Variants in C10orf120 observed in about 807,000 individuals in gnomAD.
C10orf120 encodes chromosome 10 open reading frame 120.
In C10orf120, 15 loss-of-function variants were observed where a neutral mutation model predicts 10.8. That is an observed-to-expected ratio of 1.39 (90% CI 0.93 to 2.14). The LOEUF (loss-of-function observed/expected upper bound fraction) is 2.14. Ranked by LOEUF, C10orf120 falls within the 30% of genes most tolerant of loss-of-function variation. The pLI is 0.00. For synonymous variants in C10orf120, 141 were observed against 138.9 expected, an observed-to-expected ratio of 1.02 and a Z score of -0.11; for missense variants, 447 against 411.3, an observed-to-expected ratio of 1.09 and a Z score of -0.75.
At position 122,697,971 on chromosome 10, in the gene C10orf120, G is replaced by A; in HGVS notation, c.770C>T (p.Thr257Ile). Reference sequence around the variant, plus strand: ...TGATTTGCGATCATTTCCATGGTATGTTAAACATTTTTTTGGTTCTTTTGA... The same window carrying A: ...TGATTTGCGATCATTTCCATGGTATATTAAACATTTTTTTGGTTCTTTTGA... ...FKSKEPKKCL[T>I]YHGNDRKSFL... Residue 257 changes from threonine to isoleucine, a missense_variant, in exon 3 of 3, where the codon ACA becomes ATA. Coordinates refer to ENST00000329446, the MANE Select transcript of C10orf120 (RefSeq NM_001010912.4). 1.2e-6 allele frequency: 2 copies of A among 1,611,610 alleles called. No individual in the cohort carries two copies. Among genetic ancestry groups the A allele is most frequent in the Non-Finnish European group, 1.7e-6 (2 of 1,179,310 alleles).
At position 122,699,711 on chromosome 10, in the gene C10orf120, T is replaced by C; in HGVS notation, c.80A>G (p.Asn27Ser). The C allele has an allele frequency of 6.2e-7, 1 of 1,614,086 alleles. No individual in the cohort carries two copies. Among genetic ancestry groups the C allele is most frequent in the Non-Finnish European group, 8.5e-7 (1 of 1,179,904 alleles). ...ATTAAATATTCTAACTGGCTTTTCATTCTTCCTTTCTTGCACCATTGTGTC... is the reference window on the plus strand; with the variant it reads ...ATTAAATATTCTAACTGGCTTTTCACTCTTCCTTTCTTGCACCATTGTGTC... The part of the protein sequence containing the change: ...ASDTMVQERK[N>S]EKPVRIFNTN... Residue 27 changes from asparagine to serine, a missense_variant, in exon 1 of 3, where the codon AAT becomes AGT. Physicochemically the swap from Asn to Ser is conservative, Grantham distance 46. Transcript: ENST00000329446.
Position 122,698,408 on chromosome 10 carries a change from T to C in C10orf120, c.333A>G (p.Glu111=). 6.2e-7 allele frequency: 1 copy of C among 1,614,164 alleles called. No individual in the cohort carries two copies. Among genetic ancestry groups the C allele is most frequent in the Non-Finnish European group, 8.5e-7 (1 of 1,179,990 alleles). ...KQEEECRMLK[E]LQLLSPDYKQ... is the part of the protein sequence containing the mutation. ...TGTAGTCCGGAGACAGCAACTGTAG[T>C]TCCTTGAGCATTCTGCATTCTTCCT... The change falls in exon 3 of 3, where the codon GAA becomes GAG. Residue 111 remains glutamate, a synonymous_variant. Coordinates refer to ENST00000329446, the MANE Select transcript of C10orf120 (RefSeq NM_001010912.4).
chr10:122,698,115 C>G lies in C10orf120; in HGVS notation c.626G>C (p.Arg209Thr), dbSNP rs1845812017. Residue 209 changes from arginine to threonine, a missense_variant, in exon 3 of 3, where the codon AGA (arginine) becomes ACA (threonine). Physicochemically the swap from Arg to Thr is moderately conservative, Grantham distance 71. Coordinates refer to ENST00000329446, the MANE Select transcript of C10orf120 (RefSeq NM_001010912.4). Reference sequence around the variant, plus strand: ...GGTGTCATAGTTGTCTTCCTTTCGTCTGGCCTTATTTTTTGCCATTGGACC... The same window carrying G: ...GGTGTCATAGTTGTCTTCCTTTCGTGTGGCCTTATTTTTTGCCATTGGACC... Reference protein sequence around the residue: ...GLGPMAKNKARRKEDNYDTHN... With the variant: ...GLGPMAKNKATRKEDNYDTHN... 6.2e-7 allele frequency: 1 copy of G among 1,613,926 alleles called. No individual in the cohort carries two copies. The highest frequency in any genetic ancestry group is 8.5e-7 in the Non-Finnish European group (1 of 1,179,972).
At position 122,699,354 on chromosome 10, in the gene C10orf120, A is replaced by AG. The variant is rs762964580; in HGVS notation, c.234dup (p.Glu80GlyfsTer47). The AG allele has an allele frequency of 2.9e-5, 47 of 1,612,330 alleles. No individual in the cohort carries two copies. The highest frequency in any genetic ancestry group is 3.7e-5 in the Non-Finnish European group (44 of 1,178,898). On this transcript the variant is annotated frameshift_variant, in exon 2 of 3. Transcript: ENST00000329446. LOFTEE classifies it low-confidence loss of function (END_TRUNC). ...ACACTTACTAGGATCTCTTTTTCCA[A>AG]GGGGGAGTATTTCCCAAGGGCAATC...
intron 1 of C10orf120, 79 bp from the exon 2 acceptor site, chr10:122,699,491 A>G (rs1225132090): frequency 1.6e-5 from 24 of 1,466,524 alleles, no homozygotes; most frequent in Non-Finnish European, 1.9e-5. Flanking sequence ...GAAGGCTCAT[A>G]AAGGGTTATT....
At position 122,698,334 on chromosome 10, in the gene C10orf120, C is replaced by T; in HGVS notation, c.407G>A (p.Cys136Tyr). ...KKKHSSPCAI[C>Y]VPLEKIWTAK... ...TGTCCATATTTTTTCTAGGGGTACA[C>T]AAATAGCACAAGGAGAGGAATGTTT... Residue 136 changes from cysteine to tyrosine, a missense_variant, in exon 3 of 3, where the codon TGT becomes TAT. By Grantham distance (194) the Cys-to-Tyr change is radical (BLOSUM62 -2). Transcript: ENST00000329446. The T allele has an allele frequency of 6.2e-7, 1 of 1,614,166 alleles. No homozygotes were observed. The highest frequency in any genetic ancestry group is 8.5e-7 in the Non-Finnish European group (1 of 1,180,040).
rs777006077 is a variant in C10orf120, at chr10:122,699,794, C to G, written c.-4G>C. 2 of 1,609,674 alleles carry G rather than the reference C, an allele frequency of 1.2e-6. No individual in the cohort carries two copies. The highest frequency in any genetic ancestry group is 1.3e-5 in the African/African-American group (1 of 74,964). ...CATTCTTCCATTCTCTGATCATACT[C>G]CGGCAATAAGCTAGGACGGGAGGTG... On this transcript the variant is annotated 5_prime_UTR_variant, in exon 1 of 3. Coordinates refer to ENST00000329446, the MANE Select transcript of C10orf120 (RefSeq NM_001010912.4).
chr10:122,698,009 ATTCATTTT>A lies in C10orf120; in HGVS notation c.724_731del (p.Lys242CysfsTer18). The A allele has an allele frequency of 6.2e-7, 1 of 1,607,964 alleles. No individual in the cohort carries two copies. The highest frequency in any genetic ancestry group is 1.1e-5 in the South Asian group (1 of 88,990). ...TTGGTTCTTTTGACTTGAAAACTAC[ATTCATTTT>A]TATTTCTCGTCTTTTTGTGTTTTTT... On this transcript the variant is annotated frameshift_variant, in exon 3 of 3. Coordinates refer to ENST00000329446, the MANE Select transcript of C10orf120 (RefSeq NM_001010912.4). LOFTEE classifies it low-confidence loss of function (END_TRUNC).
At chr10:122,698,724 G>A (rs936290220) in intron 2 of C10orf120, among the ~76,000 whole-genome samples, 3 of 152,146 alleles carry the variant, frequency 2.0e-5, no homozygotes, top group African/African-American at 7.2e-5. Context: ...GTGAAGCCTC[G>A]ACAAGACAAC....
rs750896789 is a variant in C10orf120 at position 122,699,660 on chromosome 10, G to A, written c.131C>T (p.Ala44Val). The A allele has an allele frequency of 6.2e-7, 1 of 1,613,804 alleles. No individual in the cohort carries two copies. Among genetic ancestry groups the A allele is most frequent in the South Asian group, 1.1e-5 (1 of 90,992 alleles). ...FNTNSSFQDQ[A>V]PTCCQEDLSS... is the part of the protein sequence containing the mutation. Reference sequence around the variant, plus strand: ...CAGATCCTCTTGGCAACACGTTGGGGCTTGATCCTGAAAGGAAGAGTTGGT... The same window carrying A: ...CAGATCCTCTTGGCAACACGTTGGGACTTGATCCTGAAAGGAAGAGTTGGT... The change falls in exon 1 of 3, where the codon GCC becomes GTC. Residue 44 changes from alanine to valine, a missense_variant. Ala to Val is a moderately conservative substitution (Grantham distance 64). Transcript: ENST00000329446.
intron 1 of C10orf120, 59 bp downstream of exon 1, chr10:122,699,556 A>G: frequency 2.0e-6 from 3 of 1,514,646 alleles, no homozygotes; most frequent in Non-Finnish European, 2.7e-6. Flanking sequence ...GCCACTGGGT[A>G]GGCTTCTCCA....
chr10:122,697,957 C>A lies in C10orf120; in HGVS notation c.784G>T (p.Asp262Tyr). The A allele has an allele frequency of 2.5e-6, 4 of 1,613,750 alleles. No individual in the cohort carries two copies. The highest frequency in any genetic ancestry group is 3.4e-6 in the Non-Finnish European group (4 of 1,179,918). Residue 262 changes from aspartate (D) to tyrosine (Y), a missense_variant, in exon 3 of 3, where the codon GAT becomes TAT. Asp to Tyr is a radical substitution (Grantham distance 160, BLOSUM62 -3). Transcript: ENST00000329446. ...PKKCLTYHGN[D>Y]RKSFLPAKKP... ...TTTGCGGGGAGGAATGATTTGCGAT[C>A]ATTTCCATGGTATGTTAAACATTTT...
Position 122,698,491 on chromosome 10 carries a change from G to T in C10orf120, c.253-3C>A. On this transcript the variant is annotated splice_region_variant and splice_polypyrimidine_tract_variant and intron_variant, in intron 2 of 2. Coordinates refer to ENST00000329446, the MANE Select transcript of C10orf120 (RefSeq NM_001010912.4). ...ATGGTGTGAATGCCACCTAGACGCT[G>T]ACAATGGAGAAAGGACTATTAAAAT... 1 of 1,613,782 alleles carries T rather than the reference G, an allele frequency of 6.2e-7. No homozygotes were observed. The highest frequency in any genetic ancestry group is 1.1e-5 in the South Asian group (1 of 90,974).
Position 122,699,355 on chromosome 10 carries a change from G to A in C10orf120, c.234C>T (p.Pro78=), listed in dbSNP as rs369650918. 5.6e-5 allele frequency: 91 copies of A among 1,612,412 alleles called. No individual in the cohort carries two copies. The highest frequency in any genetic ancestry group is 2.5e-4 in the South Asian group (23 of 90,998). Residue 78 remains proline, a synonymous_variant, in exon 2 of 3, where the codon CCC becomes CCT. Coordinates refer to ENST00000329446, the MANE Select transcript of C10orf120 (RefSeq NM_001010912.4). ...CACTTACTAGGATCTCTTTTTCCAA[G>A]GGGGAGTATTTCCCAAGGGCAATCC... ...DPRIALGKYS[P]LEKEILRLGG...
rs1291883905 is a variant in C10orf120 at position 122,697,994 on chromosome 10, T to G, written c.747A>C (p.Ser249=). The change falls in exon 3 of 3, where the codon TCA becomes TCC. Residue 249 remains serine, a synonymous_variant. Coordinates refer to ENST00000329446, the MANE Select transcript of C10orf120 (RefSeq NM_001010912.4). ...REIKMNVVFK[S]KEPKKCLTYH... ...ATGTTAAACATTTTTTTGGTTCTTT[T>G]GACTTGAAAACTACATTCATTTTTA... is the stretch of plus-strand genomic sequence containing the variant. 2 of 1,608,818 alleles carry G rather than the reference T, an allele frequency of 1.2e-6. No individual in the cohort carries two copies. The highest frequency in any genetic ancestry group is 2.7e-5 in the African/African-American group (2 of 74,468).
chr10:122,697,966 G>A lies in C10orf120; in HGVS notation c.775C>T (p.His259Tyr). 6.2e-7 allele frequency: 1 copy of A among 1,612,722 alleles called. No individual in the cohort carries two copies. Among genetic ancestry groups the A allele is most frequent in the Non-Finnish European group, 8.5e-7 (1 of 1,179,636 alleles). The part of the protein sequence containing the change: ...SKEPKKCLTY[H>Y]GNDRKSFLPA... ...AGGAATGATTTGCGATCATTTCCAT[G>A]GTATGTTAAACATTTTTTTGGTTCT... The change falls in exon 3 of 3, where the codon CAT (histidine) becomes TAT (tyrosine). Residue 259 changes from histidine (H) to tyrosine (Y), a missense_variant. His to Tyr is a moderately conservative substitution (Grantham distance 83). Coordinates refer to ENST00000329446, the MANE Select transcript of C10orf120 (RefSeq NM_001010912.4).
intron 2 of C10orf120, 24 bp downstream of exon 2, chr10:122,699,313 G>T: frequency 1.3e-6 from 2 of 1,576,164 alleles, no homozygotes; most frequent in Non-Finnish European, 1.7e-6. Context: ...GGGCCTCTCC[G>T]TGTGAAAACT....
At position 122,697,812 on chromosome 10, in the gene C10orf120, T is replaced by A. The variant is rs1313016580; in HGVS notation, c.929A>T (p.Asp310Val). The A allele has an allele frequency of 6.2e-7, 1 of 1,613,548 alleles. No individual in the cohort carries two copies. Residue 310 changes from aspartate to valine, a missense_variant, in exon 3 of 3, where the codon GAT becomes GTT. Coordinates refer to ENST00000329446, the MANE Select transcript of C10orf120 (RefSeq NM_001010912.4). ...DFISRRDHFSDLVKTYSLEEE... is the reference protein window; with the variant it reads ...DFISRRDHFSVLVKTYSLEEE... Reference sequence around the variant, plus strand: ...TTCCAGGCTGTAGGTCTTGACCAGATCACTGAAGTGGTCTCTCCGTGATAT... The same window carrying A: ...TTCCAGGCTGTAGGTCTTGACCAGAACACTGAAGTGGTCTCTCCGTGATAT...
In C10orf120 at chr10:122,698,120, C is replaced by G. The variant is rs753070243; in HGVS notation, c.621G>C (p.Lys207Asn). 3.6e-5 allele frequency: 58 copies of G among 1,613,770 alleles called. No individual in the cohort carries two copies. Among genetic ancestry groups the G allele is most frequent in the Non-Finnish European group, 4.8e-5 (57 of 1,180,000 alleles). The change falls in exon 3 of 3, where the codon AAG (lysine) becomes AAC (asparagine). Residue 207 changes from lysine (K) to asparagine (N), a missense_variant. Lys to Asn is a moderately conservative substitution (Grantham distance 94, BLOSUM62 0). Coordinates refer to ENST00000329446, the MANE Select transcript of C10orf120 (RefSeq NM_001010912.4). ...CATAGTTGTCTTCCTTTCGTCTGGC[C>G]TTATTTTTTGCCATTGGACCCAGGC... Reference protein sequence around the residue: ...GVGLGPMAKNKARRKEDNYDT... With the variant: ...GVGLGPMAKNNARRKEDNYDT...
Sources: allele counts gnomAD v4.1 joint callset (sites outside exome capture counted in the v4.1 genomes callset), GRCh38; gene constraint gnomAD v4.1.1; transcripts MANE v1.5; gene names NCBI Gene and HGNC (gene_info 2026-07-23, HGNC 2026-07-21).